Variants in RPIA observed in about 807,000 individuals in gnomAD.
RPIA encodes ribose 5-phosphate isomerase A, also known as ribose-5-phosphate isomerase.
Under a neutral mutation model 37.8 loss-of-function variants are expected in RPIA, and 29 were observed. That is an observed-to-expected ratio of 0.77 (90% CI 0.57 to 1.05). The LOEUF is 1.05. RPIA is among the 50% of genes least tolerant of loss of function. RPIA has a pLI of 0.00. For missense variants in RPIA, 385 were observed against 413.6 expected (o/e 0.93, Z 0.60); for synonymous variants, 167 against 157.0 (o/e 1.06, Z -0.48).
chr2:88,750,734 G>T lies in RPIA; in HGVS notation c.*656G>T, dbSNP rs1259726510. The T allele has an allele frequency of 1.0e-5, 4 of 398,848 alleles. No homozygotes were observed. Among genetic ancestry groups the T allele is most frequent in the Non-Finnish European group, 1.8e-5 (4 of 226,162 alleles). 24.7% of individuals were successfully genotyped at this position (398,848 alleles called of 1,614,324 possible). On this transcript the variant is annotated 3_prime_UTR_variant, in exon 9 of 9. Transcript: ENST00000283646. ...CTTCATATTCCTGCTGTTGGAAGCA[G>T]TTGACCAGAAATGCTTGCCAGTACT...
chr2:88,713,118 A>ATTTTTT (rs1180342481), intron 3 of RPIA, among the ~76,000 whole-genome samples: 2 of 45,322 alleles, frequency 4.4e-5, no homozygotes, highest in Admixed American at 3.0e-4. Flanking sequence ...ATATATATAT[A>ATTTTTT]TATTTTTTTT....
intron 3 of RPIA, among the ~76,000 whole-genome samples, chr2:88,704,518 G>T (rs1049630325): frequency 6.6e-6 from 1 of 152,136 alleles, no homozygotes. Context: ...GGAGGAAACT[G>T]CCCTCATGAT....
intron 5 of RPIA, 54 bp from the exon 6 acceptor site, chr2:88,735,615 T>C: frequency 6.5e-7 from 1 of 1,533,862 alleles, no homozygotes; most frequent in Non-Finnish European, 9.0e-7. Context: ...TAACCTTAGT[T>C]CCCAAACTGA....
intron 3 of RPIA, among the ~76,000 whole-genome samples, chr2:88,709,095 C>T (rs535173354): frequency 4.6e-5 from 7 of 152,244 alleles, no homozygotes; most frequent in South Asian, 2.1e-4. Context: ...TTTGTTCCAC[C>T]GATCCAGAAG....
At chr2:88,738,521 G>T (rs1018750980) in intron 8 of RPIA, among the ~76,000 whole-genome samples, 3 of 152,224 alleles carry the variant, frequency 2.0e-5, no homozygotes, top group African/African-American at 4.8e-5. Context: ...TGTTACAGGG[G>T]ATACTTCGAT....
intron 3 of RPIA, among the ~76,000 whole-genome samples, chr2:88,723,228 C>T (rs1673156064): frequency 6.6e-6 from 1 of 152,116 alleles, no homozygotes; most frequent in African/African-American, 2.4e-5. Flanking sequence ...AGTTATTAAG[C>T]TTTAGACAAG....
At chr2:88,695,454 C>T (rs1672720706) in intron 1 of RPIA, among the ~76,000 whole-genome samples, 1 of 152,202 alleles carries the variant, frequency 6.6e-6, no homozygotes, top group African/African-American at 2.4e-5. Context: ...GAGAAATCCC[C>T]ATACATTTGA....
intron 1 of RPIA, among the ~76,000 whole-genome samples, chr2:88,695,572 T>G (rs936525727): frequency 6.6e-6 from 1 of 152,256 alleles, no homozygotes; most frequent in African/African-American, 2.4e-5. Context: ...TTCTCATTCC[T>G]TGAAGATTTT....
At chr2:88,736,387 G>A (rs566205466) in intron 6 of RPIA, 148 bp from the exon 7 acceptor site, 1 of 727,784 alleles carries the variant, frequency 1.4e-6, no homozygotes, top group East Asian at 2.7e-5. Context: ...TAGTGAAACA[G>A]CTAATTCATT....
intron 8 of RPIA, among the ~76,000 whole-genome samples, chr2:88,745,142 T>A (rs1203675518): frequency 6.6e-6 from 1 of 152,122 alleles, no homozygotes; most frequent in Non-Finnish European, 1.5e-5. Context: ...GTGGTTTTAG[T>A]AGAGACGGGG....
intron 1 of RPIA, among the ~76,000 whole-genome samples, chr2:88,697,112 T>C (rs1183656013): frequency 2.0e-5 from 3 of 152,212 alleles, no homozygotes; most frequent in African/African-American, 7.2e-5. Context: ...TTTCTGCAAG[T>C]TAAAGTGTAT....
intron 7 of RPIA, among the ~76,000 whole-genome samples, 194 bp downstream of exon 7, chr2:88,736,870 C>T (rs1452670785): frequency 6.6e-6 from 1 of 152,134 alleles, no homozygotes; most frequent in Non-Finnish European, 1.5e-5. Flanking sequence ...GTAGACAAGA[C>T]CACACTTAAT....
intron 8 of RPIA, among the ~76,000 whole-genome samples, chr2:88,738,408 A>C (rs755366872): frequency 2.0e-5 from 3 of 152,230 alleles, no homozygotes; most frequent in Non-Finnish European, 4.4e-5. Flanking sequence ...CAGGAGCTGG[A>C]CTACAGCCTT....
intron 3 of RPIA, among the ~76,000 whole-genome samples, chr2:88,719,207 C>A (rs556005056): frequency 2.0e-5 from 3 of 152,242 alleles, no homozygotes; most frequent in Non-Finnish European, 4.4e-5. Context: ...CAGCTATAGT[C>A]AAGACACAGT....
chr2:88,725,115 C>T (rs1294456355), intron 3 of RPIA, among the ~76,000 whole-genome samples: 2 of 152,144 alleles, frequency 1.3e-5, no homozygotes, highest in Non-Finnish European at 2.9e-5. Context: ...CTTTCCAGAA[C>T]TCTGGCCAGA....
At position 88,750,655 on chromosome 2, in the gene RPIA, T is replaced by C. The variant is rs562090930; in HGVS notation, c.*577T>C. The C allele has an allele frequency of 2.5e-6, 1 of 399,716 alleles. No homozygotes were observed. Among genetic ancestry groups the C allele is most frequent in the Non-Finnish European group, 4.4e-6 (1 of 226,794 alleles). 24.8% of individuals were successfully genotyped at this position (399,716 alleles called of 1,614,324 possible). A position where few individuals can be genotyped will look rare whatever the true frequency, so the allele number is the denominator to read the frequency against. On this transcript the variant is annotated 3_prime_UTR_variant, in exon 9 of 9. Transcript: ENST00000283646. ...CGGTATGGTATGGAATGACTTGGAA[T>C]GTAAGCTGTCAGGGAGAAAATGTTG...
chr2:88,749,808 G>T (rs1673481579), intron 8 of RPIA, among the ~76,000 whole-genome samples, 173 bp from the exon 9 acceptor site: 1 of 152,078 alleles, frequency 6.6e-6, no homozygotes, highest in Non-Finnish European at 1.5e-5. Flanking sequence ...GTGGCAAGAA[G>T]AAATTAAGAT....
rs2104156436 is a variant in RPIA at position 88,750,189 on chromosome 2, TG to T, written c.*117del. 7.6e-6 allele frequency: 4 copies of T among 524,416 alleles called. No individual in the cohort carries two copies. Among genetic ancestry groups the T allele is most frequent in the Non-Finnish European group, 3.7e-6 (1 of 272,942 alleles). 32.5% of individuals were successfully genotyped at this position (524,416 alleles called of 1,614,324 possible). On this transcript the variant is annotated 3_prime_UTR_variant, in exon 9 of 9. Transcript: ENST00000283646. Reference sequence around the variant, plus strand: ...GTATCTCTGCCTGGACAACTTGTGGTGGGGGGTGGGGGGAAGAGTGGGAGGG... The same window carrying T: ...GTATCTCTGCCTGGACAACTTGTGGTGGGGGTGGGGGGAAGAGTGGGAGGG...
In RPIA at chr2:88,698,482, A is replaced by G. The variant is rs1345571846; in HGVS notation, c.286-2A>G. 6.2e-7 allele frequency: 1 copy of G among 1,614,092 alleles called. No individual in the cohort carries two copies. The highest frequency in any genetic ancestry group is 1.7e-5 in the Admixed American group (1 of 60,030). ...TGTTTTTTCTTCCCCGTTTTTTGGC[A>G]GAATAACCAAGTGCTGGGAATTGGA... On this transcript the variant is annotated splice_acceptor_variant, in intron 1 of 8. Coordinates refer to ENST00000283646, the MANE Select transcript of RPIA (RefSeq NM_144563.3). LOFTEE classifies it high-confidence loss of function.
Sources: allele counts gnomAD v4.1 joint callset (sites outside exome capture counted in the v4.1 genomes callset), GRCh38; gene constraint gnomAD v4.1.1; transcripts MANE v1.5; gene names NCBI Gene and HGNC (gene_info 2026-07-23, HGNC 2026-07-21).